Variants in PPARGC1A observed in about 807,000 individuals in gnomAD.
PPARGC1A encodes PPARG coactivator 1 alpha, also known as peroxisome proliferator-activated receptor gamma coactivator 1-alpha.
A neutral mutation model predicts 88.7 loss-of-function variants in PPARGC1A; 25 were observed. The ratio of observed to expected loss-of-function variants is 0.28; its 90% CI spans 0.21 to 0.39. The LOEUF is 0.39. PPARGC1A is among the 10% of genes least tolerant of loss of function. The pLI, the probability that PPARGC1A is intolerant of heterozygous loss-of-function variation, is 1.00. For synonymous variants in PPARGC1A, 363 were observed against 355.6 expected (o/e 1.02, Z -0.24); for missense variants, 880 against 968.7 (o/e 0.91, Z 1.22).
chr4:24,144,620 G>A, the PPARGC1A span, among the ~76,000 whole-genome samples: 11 of 151,884 alleles, frequency 7.2e-5, no homozygotes, highest in Admixed American at 3.3e-4. Context: ...ACCTGAGCTT[G>A]AGACCAGCGC....
chr4:24,209,755 T>C, the PPARGC1A span, among the ~76,000 whole-genome samples: 5 of 152,216 alleles, frequency 3.3e-5, no homozygotes, highest in African/African-American at 9.7e-5. Flanking sequence ...ATTTCATGTG[T>C]ATGCTTTATT....
At chr4:24,289,485 C>A in the PPARGC1A span, among the ~76,000 whole-genome samples, 1 of 152,190 alleles carries the variant, frequency 6.6e-6, no homozygotes, top group Non-Finnish European at 1.5e-5. Context: ...ATTCTCTCCT[C>A]GACACTTCCC....
In PPARGC1A at chr4:23,873,018, G is replaced by A. The variant is rs570565743; in HGVS notation, c.234+11734C>T. ...ATCCTGGCTAACACGGTGAAACCCC[G>A]TCTCTACTAAAAATACAAAAAAAAA... On this transcript the variant is annotated intron_variant, in intron 2 of 12. Transcript: ENST00000264867. Among the ~76,000 whole-genome samples, 61 of 151,342 alleles carry A rather than the reference G, an allele frequency of 4.0e-4. 1 individual carries two copies. Among genetic ancestry groups the A allele is most frequent in the Non-Finnish European group, 6.6e-4 (45 of 67,838 alleles).
chr4:23,902,003 A>C (rs1391856690), upstream of PPARGC1A, among the ~76,000 whole-genome samples: 1 of 152,200 alleles, frequency 6.6e-6, no homozygotes. Flanking sequence ...CTGAGAACTT[A>C]AAATGTGTCC....
At chr4:23,823,647 A>G (rs1279127930) in intron 7 of PPARGC1A, among the ~76,000 whole-genome samples, 1 of 152,092 alleles carries the variant, frequency 6.6e-6, no homozygotes, top group Non-Finnish European at 1.5e-5. Context: ...GTATATGCTT[A>G]TAAGTAAAGA....
chr4:23,922,615 G>A, the PPARGC1A span, among the ~76,000 whole-genome samples: 1 of 152,308 alleles, frequency 6.6e-6, no homozygotes, highest in Non-Finnish European at 1.5e-5. Context: ...GTCTGAGGCG[G>A]AGGTTTCTGC....
At chr4:24,137,909 C>T in the PPARGC1A span, among the ~76,000 whole-genome samples, 1 of 152,210 alleles carries the variant, frequency 6.6e-6, no homozygotes, top group Non-Finnish European at 1.5e-5. Flanking sequence ...CTTGATAATT[C>T]TATGATGACA....
chr4:24,059,833 A>G, the PPARGC1A span, among the ~76,000 whole-genome samples: 2 of 152,196 alleles, frequency 1.3e-5, no homozygotes, highest in African/African-American at 2.4e-5. Flanking sequence ...TGTTATTCCC[A>G]GAGCCACAAA....
chr4:24,244,039 A>G, the PPARGC1A span, among the ~76,000 whole-genome samples: 1 of 152,200 alleles, frequency 6.6e-6, no homozygotes, highest in Non-Finnish European at 1.5e-5. Context: ...TTCACATTCA[A>G]TAAACTAAAT....
chr4:24,328,443 C>A, the PPARGC1A span, among the ~76,000 whole-genome samples: 1 of 152,050 alleles, frequency 6.6e-6, no homozygotes, highest in Non-Finnish European at 1.5e-5. Context: ...TGTCAGTTCC[C>A]ATTAACAAAA....
At chr4:23,941,441 G>A in the PPARGC1A span, among the ~76,000 whole-genome samples, 5 of 152,020 alleles carry the variant, frequency 3.3e-5, no homozygotes, top group Admixed American at 6.6e-5. Context: ...TTTACAGAAC[G>A]GGGTGTGATA....
At chr4:24,042,470 G>A in the PPARGC1A span, among the ~76,000 whole-genome samples, 1 of 152,174 alleles carries the variant, frequency 6.6e-6, no homozygotes, top group Admixed American at 6.5e-5. Context: ...TCTATCAGTG[G>A]CTATTAAAAT....
chr4:24,205,302 C>T, the PPARGC1A span, among the ~76,000 whole-genome samples: 1 of 152,160 alleles, frequency 6.6e-6, no homozygotes, highest in South Asian at 2.1e-4. Flanking sequence ...TCACTCATCT[C>T]TGTAGTCCCT....
the PPARGC1A span, among the ~76,000 whole-genome samples, chr4:24,068,017 T>TGC: frequency 2.0e-5 from 3 of 152,168 alleles, no homozygotes; most frequent in Admixed American, 6.5e-5. Flanking sequence ...TGTGTGTGTG[T>TGC]GCATGTGTGT....
chr4:23,825,645 T>C (rs1216238254), intron 5 of PPARGC1A, among the ~76,000 whole-genome samples: 1 of 152,070 alleles, frequency 6.6e-6, no homozygotes, highest in African/African-American at 2.4e-5. Context: ...AGCAATCAAT[T>C]TTTTTGAAAT....
chr4:23,907,611 T>C (rs188462134), upstream of PPARGC1A, among the ~76,000 whole-genome samples: 80 of 152,310 alleles, frequency 5.3e-4, 1 homozygote, highest in East Asian at 0.012. Flanking sequence ...AAAATGGGGA[T>C]AATACCTACC....
At chr4:23,960,883 C>T in the PPARGC1A span, among the ~76,000 whole-genome samples, 2 of 152,094 alleles carry the variant, frequency 1.3e-5, no homozygotes, top group Non-Finnish European at 2.9e-5. Flanking sequence ...CTTCTATGTA[C>T]ATGGTAAAAC....
the PPARGC1A span, among the ~76,000 whole-genome samples, chr4:23,934,970 A>G: frequency 1.3e-5 from 2 of 152,144 alleles, no homozygotes; most frequent in East Asian, 3.8e-4. Flanking sequence ...CCCTTTCACA[A>G]AGCTTCCCTG....
At chr4:24,128,747 T>G in the PPARGC1A span, among the ~76,000 whole-genome samples, 2 of 152,234 alleles carry the variant, frequency 1.3e-5, no homozygotes, top group Admixed American at 1.3e-4. Flanking sequence ...TCTCCCCATC[T>G]TCTCTTAAAA....
Sources: allele counts gnomAD v4.1 joint callset (sites outside exome capture counted in the v4.1 genomes callset), GRCh38; gene constraint gnomAD v4.1.1; transcripts MANE v1.5; gene names NCBI Gene and HGNC (gene_info 2026-07-23, HGNC 2026-07-21).